Variants in MYPN observed in about 807,000 individuals in gnomAD.
The protein encoded by MYPN is myopalladin.
Under a neutral mutation model 129.4 loss-of-function variants are expected in MYPN, and 63 were observed. That is an observed-to-expected ratio of 0.49 (90% CI 0.40 to 0.60). The LOEUF (loss-of-function observed/expected upper bound fraction) is 0.60, where lower values mean the gene tolerates loss of function less well. MYPN is among the 20% of genes least tolerant of loss of function. The pLI, the probability that MYPN is intolerant of heterozygous loss-of-function variation, is 0.00. For missense variants in MYPN, 1,596 were observed against 1,635.4 expected, an observed-to-expected ratio of 0.98 and a Z score of 0.42; for synonymous variants, 629 against 600.9, an observed-to-expected ratio of 1.05 and a Z score of -0.68.
At chr10:68,201,748 T>C (rs1371095810) in intron 17 of MYPN, 81 bp from the exon 18 acceptor site, 1 of 1,524,866 alleles carries the variant, frequency 6.6e-7, no homozygotes, top group Non-Finnish European at 8.8e-7. Flanking sequence ...GCCACCACAC[T>C]CCAGCCTGGG....
At chr10:68,198,571 G>A (rs186804195) in intron 16 of MYPN, among the ~76,000 whole-genome samples, 10 of 152,058 alleles carry the variant, frequency 6.6e-5, no homozygotes, top group East Asian at 3.9e-4. Flanking sequence ...AATAATATTC[G>A]GATTGATTGC....
intron 8 of MYPN, among the ~76,000 whole-genome samples, chr10:68,162,570 A>G (rs1391641665): frequency 6.6e-6 from 1 of 152,234 alleles, no homozygotes; most frequent in Non-Finnish European, 1.5e-5. Context: ...CAGGGCATAA[A>G]CATCTGAATG....
chr10:68,193,101 C>T (rs1409527290), intron 13 of MYPN, among the ~76,000 whole-genome samples: 3 of 150,136 alleles, frequency 2.0e-5, no homozygotes, highest in African/African-American at 7.3e-5. Context: ...TTTGAGATGC[C>T]TCTTTAGCTA....
intron 1 of MYPN, among the ~76,000 whole-genome samples, chr10:68,114,868 A>G (rs975693831): frequency 6.6e-6 from 1 of 152,150 alleles, no homozygotes; most frequent in Non-Finnish European, 1.5e-5. Flanking sequence ...CAATGCCATG[A>G]TCTGTTTTCA....
At chr10:68,114,586 T>G (rs547754182) in intron 1 of MYPN, among the ~76,000 whole-genome samples, 1 of 152,208 alleles carries the variant, frequency 6.6e-6, no homozygotes, top group South Asian at 2.1e-4. Context: ...TGACCTCAAG[T>G]GATCTGCCTG....
chr10:68,133,430 T>A (rs913962755), intron 2 of MYPN, among the ~76,000 whole-genome samples: 5 of 152,050 alleles, frequency 3.3e-5, no homozygotes, highest in African/African-American at 9.7e-5. Context: ...GAAGTCCCCT[T>A]TAAGATAAAT....
chr10:68,159,316 A>G (rs2134140579), intron 7 of MYPN, among the ~76,000 whole-genome samples: 1 of 152,280 alleles, frequency 6.6e-6, no homozygotes, highest in East Asian at 1.9e-4. Flanking sequence ...ACAACCAACA[A>G]TACGTGGGAA....
chr10:68,153,698 G>A (rs1408561117), intron 6 of MYPN, among the ~76,000 whole-genome samples: 5 of 152,178 alleles, frequency 3.3e-5, no homozygotes, highest in Admixed American at 1.3e-4. Flanking sequence ...CAGGATTGAG[G>A]TCATAGTCAC....
intron 19 of MYPN, 126 bp from the exon 20 acceptor site, chr10:68,210,160 G>A: frequency 1.9e-6 from 2 of 1,054,352 alleles, no homozygotes; most frequent in East Asian, 2.5e-5. Flanking sequence ...TTCAGACCCA[G>A]GTATAGTTAT....
At chr10:68,207,835 G>A (rs1286446058) in intron 19 of MYPN, among the ~76,000 whole-genome samples, 1 of 152,090 alleles carries the variant, frequency 6.6e-6, no homozygotes, top group Non-Finnish European at 1.5e-5. Context: ...TGTACAGGCT[G>A]TCCCACCACC....
chr10:68,150,172 T>C (rs1589558799), intron 6 of MYPN, 61 bp downstream of exon 6: 4 of 1,358,084 alleles, frequency 2.9e-6, no homozygotes, highest in African/African-American at 2.9e-5. Context: ...CCCAAAGTTA[T>C]AGGATACAAG....
At chr10:68,135,600 G>A (rs1194646527) in intron 2 of MYPN, 1 of 521,400 alleles carries the variant, frequency 1.9e-6, no homozygotes, top group Non-Finnish European at 2.5e-6. Context: ...ATGAAGCTGG[G>A]CAAAGACAAT....
At chr10:68,174,799 C>A in intron 11 of MYPN, 143 bp downstream of exon 11, 1 of 788,750 alleles carries the variant, frequency 1.3e-6, no homozygotes, top group Non-Finnish European at 2.1e-6. Context: ...ATGTGGAACA[C>A]TTCAGGACAA....
rs114286560 is a variant in MYPN at position 68,145,436 on chromosome 10, T to A, written c.1079-39T>A. The stretch of plus-strand genomic sequence containing the variant: ...GTTTAGGAACCAATTTAAGAAATTG[T>A]CATCTTAACAATCTTATGTCTTGTT... On this transcript the variant is annotated intron_variant, in intron 3 of 19. Transcript: ENST00000358913. 5,097 of 1,549,658 alleles carry A rather than the reference T, an allele frequency of 3.3e-3. 155 individuals are homozygous for A. In the African/African-American group the frequency reaches 0.062, roughly 19 times the overall value.
At chr10:68,158,913 T>G (rs941036175) in intron 7 of MYPN, among the ~76,000 whole-genome samples, 4 of 152,090 alleles carry the variant, frequency 2.6e-5, no homozygotes, top group South Asian at 4.1e-4. Flanking sequence ...TACTTTTTTT[T>G]TTTTTTAGAT....
rs113224959 is a variant in MYPN, at chr10:68,204,861, T to C, written c.3660-1909T>C. On this transcript the variant is annotated intron_variant, in intron 18 of 19. Transcript: ENST00000358913. ...GTGCACGTGACCCTCTCCCCTGCCT[T>C]CTTCCTAGTCCCCCCACTTGCCAGT... is the stretch of plus-strand genomic sequence containing the variant. 2.6e-5 allele frequency among the ~76,000 whole-genome samples: 4 copies of C among 152,076 alleles called. 1 individual carries two copies. The highest frequency in any genetic ancestry group is 9.6e-5 in the African/African-American group (4 of 41,500).
intron 17 of MYPN, 124 bp from the exon 18 acceptor site, chr10:68,201,705 G>T: frequency 1.9e-6 from 2 of 1,040,056 alleles, no homozygotes; most frequent in South Asian, 1.5e-5. Flanking sequence ...CAGGGGAGGG[G>T]TGCAGGCAGA....
intron 19 of MYPN, among the ~76,000 whole-genome samples, chr10:68,209,543 TA>T (rs1245459901): frequency 6.6e-6 from 1 of 152,076 alleles, no homozygotes; most frequent in Non-Finnish European, 1.5e-5. Flanking sequence ...TCTTTTGAGG[TA>T]CCCTCTTTGA....
At chr10:68,193,133 GT>G (rs200952301) in intron 13 of MYPN, among the ~76,000 whole-genome samples, 6 of 149,184 alleles carry the variant, frequency 4.0e-5, no homozygotes, top group South Asian at 2.1e-4. Context: ...GTCTTTCTGG[GT>G]TTTTTTTTAT....
Sources: allele counts gnomAD v4.1 joint callset (sites outside exome capture counted in the v4.1 genomes callset), GRCh38; gene constraint gnomAD v4.1.1; transcripts MANE v1.5; gene names NCBI Gene and HGNC (gene_info 2026-07-23, HGNC 2026-07-21).